Variants in MED21 observed in about 807,000 individuals in gnomAD.
The protein encoded by MED21 is mediator of RNA polymerase II transcription subunit 21.
In MED21, 9 loss-of-function variants were observed where a neutral mutation model predicts 18.2. The observed-to-expected ratio is 0.49, with a 90% CI of 0.30 to 0.86. The LOEUF (loss-of-function observed/expected upper bound fraction) is 0.86, where lower values mean the gene tolerates loss of function less well. Ranked by LOEUF, MED21 falls within the 40% of genes least tolerant of loss-of-function variation. The pLI is 0.07. For missense variants in MED21, 150 were observed against 170.9 expected (o/e 0.88, Z 0.68); for synonymous variants, 73 against 60.5 (o/e 1.21, Z -0.96).
chr12:27,022,612 T>C lies in MED21; in HGVS notation c.33T>C (p.Ala11=). MADRLTQLQD[A]VNSLADQFCN... is the part of the protein sequence containing the mutation. Reference sequence around the variant, plus strand: ...ATCGGCTCACGCAGCTTCAGGACGCTGTGAATTCGGTGAGGAATTTCATTC... The same window carrying C: ...ATCGGCTCACGCAGCTTCAGGACGCCGTGAATTCGGTGAGGAATTTCATTC... The change falls in exon 1 of 4, where the codon GCT becomes GCC. Residue 11 remains alanine (A), a synonymous_variant. Transcript: ENST00000282892. 2.5e-6 allele frequency: 4 copies of C among 1,591,686 alleles called. No homozygotes were observed. Among genetic ancestry groups the C allele is most frequent in the South Asian group, 2.2e-5 (2 of 90,498 alleles).
At position 27,028,301 on chromosome 12, in the gene MED21, A is replaced by T; in HGVS notation, c.275A>T (p.Lys92Met). ...CTTATAAAGGCTGCTAGCTTGTATA[A>T]GCTAGAAGAAGAAAACCATGAAGCT... is the stretch of plus-strand genomic sequence containing the variant. Reference protein sequence around the residue: ...TAALQAASLYKLEEENHEAAT... With the variant: ...TAALQAASLYMLEEENHEAAT... Residue 92 changes from lysine to methionine, a missense_variant, in exon 4 of 4, where the codon AAG (lysine) becomes ATG (methionine). Lys to Met is a moderately conservative substitution (Grantham distance 95, BLOSUM62 -1). Transcript: ENST00000282892. 1 of 1,613,844 alleles carries T rather than the reference A, an allele frequency of 6.2e-7. No individual in the cohort carries two copies. Among genetic ancestry groups the T allele is most frequent in the Non-Finnish European group, 8.5e-7 (1 of 1,179,776 alleles).
Position 27,029,228 on chromosome 12 carries a change from G to A in MED21, c.*767G>A, listed in dbSNP as rs1047937268. On this transcript the variant is annotated 3_prime_UTR_variant, in exon 4 of 4. Coordinates refer to ENST00000282892, the MANE Select transcript of MED21 (RefSeq NM_004264.5). ...TTTCTCATTCTCCATTTATCTGAAG[G>A]TTCTTTTGCCCTTATTAACCTCTCA... 3 of 985,018 alleles carry A rather than the reference G, an allele frequency of 3.0e-6. No homozygotes were observed. The highest frequency in any genetic ancestry group is 6.2e-5 in the Admixed American group (1 of 16,228). The allele number at this position is 985,018 out of a possible 1,614,324, so 61.0% of individuals were successfully genotyped here.
chr12:27,031,991 A>G (rs568131347), downstream of MED21, among the ~76,000 whole-genome samples: 2 of 152,252 alleles, frequency 1.3e-5, no homozygotes, highest in East Asian at 1.9e-4. Context: ...TTTATCAGCA[A>G]TGACCTTACT....
rs1941602868 is a variant in MED21, at chr12:27,030,295, A to G, written c.*1834A>G. ...CAGGCATGTACTACCACGTCCAGCT[A>G]ATTTTTTTTTTCTTTTTTTTTTAGA... On this transcript the variant is annotated 3_prime_UTR_variant, in exon 4 of 4. Transcript: ENST00000282892. 1 of 497,968 alleles carries G rather than the reference A, an allele frequency of 2.0e-6. No homozygotes were observed. The highest frequency in any genetic ancestry group is 3.6e-6 in the Non-Finnish European group (1 of 277,718). 30.8% of individuals were successfully genotyped at this position (497,968 alleles called of 1,614,324 possible). A position where few individuals can be genotyped will look rare whatever the true frequency, so the allele number is the denominator to read the frequency against.
At chr12:27,023,627 T>C (rs1186679842) in intron 1 of MED21, among the ~76,000 whole-genome samples, 2 of 152,038 alleles carry the variant, frequency 1.3e-5, no homozygotes, top group Non-Finnish European at 2.9e-5. Context: ...TCCCCCAAAT[T>C]CTACTCTCTA....
intron 2 of MED21, chr12:27,038,358 G>T (rs1365380491): frequency 6.7e-6 from 1 of 149,900 alleles, no homozygotes; most frequent in African/African-American, 2.5e-5. Context: ...AGATATCTAG[G>T]GATGCGTATA....
intron 2 of MED21, 55 bp from the exon 3 acceptor site, chr12:27,027,292 G>C (rs773182839): frequency 2.4e-6 from 3 of 1,273,912 alleles, no homozygotes; most frequent in East Asian, 4.7e-5. Context: ...CTTAAAATTT[G>C]TTTCTGAAAA....
Position 27,029,737 on chromosome 12 carries a change from A to G in MED21, c.*1276A>G. The stretch of plus-strand genomic sequence containing the variant: ...ATTTTAATTGATGTTTATTAAAAAC[A>G]CTTTGCTATCAGATATTTGGCATAA... On this transcript the variant is annotated 3_prime_UTR_variant, in exon 4 of 4. Transcript: ENST00000282892. 4.1e-6 allele frequency: 4 copies of G among 983,152 alleles called. No individual in the cohort carries two copies. The highest frequency in any genetic ancestry group is 4.8e-6 in the Non-Finnish European group (4 of 827,770). The allele number at this position is 983,152 out of a possible 1,614,324, so 60.9% of individuals were successfully genotyped here.
At chr12:27,027,565 A>C (rs532989389) in intron 3 of MED21, 118 bp downstream of exon 3, 1 of 669,138 alleles carries the variant, frequency 1.5e-6, no homozygotes, top group East Asian at 2.7e-5. Flanking sequence ...TACCTGAGAC[A>C]GTAATTTATA....
Position 27,029,058 on chromosome 12 carries a change from A to G in MED21, c.*597A>G. 3 of 985,378 alleles carry G rather than the reference A, an allele frequency of 3.0e-6. No individual in the cohort carries two copies. Among genetic ancestry groups the G allele is most frequent in the Non-Finnish European group, 3.6e-6 (3 of 829,912 alleles). 61.0% of individuals were successfully genotyped at this position (985,378 alleles called of 1,614,324 possible). ...ATCTCCACGTTTATTTTACCAAGAG[A>G]TCCTCTGTCAAGAGAATTTCCTGGC... On this transcript the variant is annotated 3_prime_UTR_variant, in exon 4 of 4. Transcript: ENST00000282892.
At chr12:27,025,674 G>A (rs1025024268) in intron 1 of MED21, among the ~76,000 whole-genome samples, 1 of 152,130 alleles carries the variant, frequency 6.6e-6, no homozygotes, top group African/African-American at 2.4e-5. Flanking sequence ...AGAGGAAACA[G>A]TTGCCTTTGA....
downstream of MED21, among the ~76,000 whole-genome samples, chr12:27,031,308 T>C (rs1029645355): frequency 6.6e-6 from 1 of 152,194 alleles, no homozygotes; most frequent in Admixed American, 6.5e-5. Context: ...ATGATTTTTT[T>C]TAAAGCCTTA....
chr12:27,034,803 T>C (rs537707883), downstream of MED21, among the ~76,000 whole-genome samples: 3 of 152,118 alleles, frequency 2.0e-5, no homozygotes, highest in African/African-American at 7.2e-5. Context: ...CGGGCTGGAG[T>C]GCGGTGGCGT....
At chr12:27,034,125 G>A (rs1170274190), downstream of MED21, among the ~76,000 whole-genome samples, 1 of 152,114 alleles carries the variant, frequency 6.6e-6, no homozygotes, top group Non-Finnish European at 1.5e-5. Context: ...TTCAAAAAAA[G>A]TTTAAATTTG....
chr12:27,036,579 G>A (rs950225772), intron 2 of MED21, among the ~76,000 whole-genome samples: 48 of 152,218 alleles, frequency 3.2e-4, no homozygotes, highest in Non-Finnish European at 5.3e-4. Flanking sequence ...TAGGTCTAAC[G>A]TTTAAGTCTT....
chr12:27,037,282 A>G (rs1300949407), intron 2 of MED21: 2 of 151,806 alleles, frequency 1.3e-5, no homozygotes, highest in Non-Finnish European at 2.9e-5. Flanking sequence ...ATTTTTGTAC[A>G]TTGATTTTGT....
At chr12:27,025,165 A>G (rs1315085915) in intron 1 of MED21, among the ~76,000 whole-genome samples, 1 of 152,242 alleles carries the variant, frequency 6.6e-6, no homozygotes, top group Non-Finnish European at 1.5e-5. Context: ...CAATGCTATA[A>G]TAGGAGAATG....
chr12:27,022,955 G>C (rs1249848528), intron 1 of MED21: 93 of 1,139,486 alleles, frequency 8.2e-5, no homozygotes, highest in Non-Finnish European at 9.8e-5. Context: ...GGTGCTTACG[G>C]GTTCTCTTTC....
downstream of MED21, among the ~76,000 whole-genome samples, chr12:27,034,320 G>A (rs1180563809): frequency 6.6e-6 from 1 of 152,128 alleles, no homozygotes; most frequent in Non-Finnish European, 1.5e-5. Context: ...TACTCGGGAG[G>A]CTAAGGCAGG....
Sources: allele counts gnomAD v4.1 joint callset (sites outside exome capture counted in the v4.1 genomes callset), GRCh38; gene constraint gnomAD v4.1.1; transcripts MANE v1.5; gene names NCBI Gene and HGNC (gene_info 2026-07-23, HGNC 2026-07-21).